ENTREP2: variants seen among roughly 807,000 people sequenced by gnomAD.
ENTREP2 encodes endosomal transmembrane epsin interactor 2, also known as protein ENTREP2.
At chr15:29,535,075 T>C in the ENTREP2 span, among the ~76,000 whole-genome samples, 39,459 of 151,404 alleles carry the variant, frequency 0.26, 5,481 homozygotes, top group East Asian at 0.42. Flanking sequence ...GGAGACCTCG[T>C]CTCTATAAAA....
At chr15:29,530,826 C>T in the ENTREP2 span, among the ~76,000 whole-genome samples, 1 of 152,324 alleles carries the variant, frequency 6.6e-6, no homozygotes, top group East Asian at 1.9e-4. Context: ...ATAGCAAAAA[C>T]ATCATGACAA....
the ENTREP2 span, among the ~76,000 whole-genome samples, chr15:29,165,394 G>A: frequency 1.4e-4 from 22 of 152,150 alleles, no homozygotes; most frequent in Admixed American, 2.6e-4. Context: ...ACAAAAAGAT[G>A]GTTCTTTGAA....
the ENTREP2 span, among the ~76,000 whole-genome samples, chr15:29,309,961 T>C: frequency 8.5e-5 from 13 of 152,252 alleles, 1 homozygote; most frequent in South Asian, 2.5e-3. Flanking sequence ...ACACGGGGCC[T>C]GGGAGTAGAC....
At chr15:29,594,809 A>T in the ENTREP2 span, among the ~76,000 whole-genome samples, 2 of 152,014 alleles carry the variant, frequency 1.3e-5, no homozygotes, top group Non-Finnish European at 2.9e-5. Context: ...CTAAAAATTT[A>T]AAAATTAGTC....
At chr15:29,449,334 AGGTGCTGGCCAT>A in the ENTREP2 span, among the ~76,000 whole-genome samples, 1 of 152,196 alleles carries the variant, frequency 6.6e-6, no homozygotes, top group Non-Finnish European at 1.5e-5. Context: ...GTTTGAGCTG[AGGTGCTGGCCAT>A]GGTGCTGACA....
the ENTREP2 span, among the ~76,000 whole-genome samples, chr15:29,127,088 C>T: frequency 6.6e-6 from 1 of 152,208 alleles, no homozygotes; most frequent in Non-Finnish European, 1.5e-5. Context: ...TGGGCCCAGC[C>T]ACCGGGGTTG....
chr15:29,513,814 T>C, the ENTREP2 span, among the ~76,000 whole-genome samples: 1 of 152,244 alleles, frequency 6.6e-6, no homozygotes, highest in African/African-American at 2.4e-5. Context: ...CTCTGCAGTA[T>C]GGCCCCAGCC....
chr15:29,508,765 G>A, the ENTREP2 span, among the ~76,000 whole-genome samples: 1 of 152,126 alleles, frequency 6.6e-6, no homozygotes, highest in African/African-American at 2.4e-5. Flanking sequence ...GATAATAAGA[G>A]CTATTTATGA....
At chr15:29,500,433 A>G in the ENTREP2 span, among the ~76,000 whole-genome samples, 1 of 152,158 alleles carries the variant, frequency 6.6e-6, no homozygotes, top group Non-Finnish European at 1.5e-5. Context: ...AATCAATCAC[A>G]AAAGGAAAAC....
At chr15:29,386,243 T>C in the ENTREP2 span, among the ~76,000 whole-genome samples, 2 of 152,170 alleles carry the variant, frequency 1.3e-5, no homozygotes, top group African/African-American at 2.4e-5. Flanking sequence ...TGCCTGCAGA[T>C]GGCAAAACTG....
the ENTREP2 span, chr15:29,569,368 AAAAC>A: frequency 6.6e-6 from 1 of 152,274 alleles, no homozygotes; most frequent in Admixed American, 6.5e-5. Flanking sequence ...ATGAACTTAA[AAAAC>A]AAAGACCATT....
chr15:29,543,950 AT>A, the ENTREP2 span, among the ~76,000 whole-genome samples: 3 of 151,954 alleles, frequency 2.0e-5, no homozygotes, highest in Non-Finnish European at 4.4e-5. Flanking sequence ...TGTAAATGAA[AT>A]TGAACTTTTA....
the ENTREP2 span, among the ~76,000 whole-genome samples, chr15:29,674,461 G>C: frequency 6.6e-6 from 1 of 152,006 alleles, no homozygotes; most frequent in African/African-American, 2.4e-5. Context: ...GTTGAGACGG[G>C]GTTTCACCAT....
the ENTREP2 span, among the ~76,000 whole-genome samples, chr15:29,144,006 C>G: frequency 3.9e-5 from 6 of 152,304 alleles, no homozygotes; most frequent in East Asian, 1.2e-3. Context: ...AACTAAATGA[C>G]TTTAAACCAC....
At chr15:29,344,931 G>GACACACACACACACACACACACAC in the ENTREP2 span, among the ~76,000 whole-genome samples, 31 of 142,604 alleles carry the variant, frequency 2.2e-4, 1 homozygote, top group African/African-American at 7.4e-4. Flanking sequence ...CACGCGCGCA[G>GACACACACACACACACACACACAC]ACACACACAC....
At chr15:29,425,225 A>G in the ENTREP2 span, among the ~76,000 whole-genome samples, 1 of 150,812 alleles carries the variant, frequency 6.6e-6, no homozygotes, top group African/African-American at 2.4e-5. Context: ...TTTTTAATAG[A>G]CATGGGGTTT....
At chr15:29,454,628 C>A in the ENTREP2 span, among the ~76,000 whole-genome samples, 1 of 152,150 alleles carries the variant, frequency 6.6e-6, no homozygotes, top group Non-Finnish European at 1.5e-5. Flanking sequence ...GGCCCCAATG[C>A]CCCCCACCTC....
At chr15:29,648,583 A>G in the ENTREP2 span, among the ~76,000 whole-genome samples, 1 of 152,242 alleles carries the variant, frequency 6.6e-6, no homozygotes, top group Non-Finnish European at 1.5e-5. Context: ...GAGAATCTGC[A>G]GCAAGTGTTG....
At chr15:29,392,606 C>T in the ENTREP2 span, among the ~76,000 whole-genome samples, 1 of 152,108 alleles carries the variant, frequency 6.6e-6, no homozygotes, top group East Asian at 1.9e-4. Context: ...ATCTCCTTGC[C>T]TTTAGTATTC....
Sources: gnomAD v4.1 joint callset for allele counts (sites outside exome capture counted in the v4.1 genomes callset) on GRCh38, gnomAD v4.1.1 for gene constraint, MANE v1.5 for transcripts, NCBI Gene and HGNC (gene_info 2026-07-23, HGNC 2026-07-21) for gene names.